The following OPA3 variants were observed in gnomAD, a reference collection of about 807,000 sequenced individuals.
The protein encoded by OPA3 is outer mitochondrial membrane lipid metabolism regulator OPA3, also known as optic atrophy 3 protein.
Under a neutral mutation model 4.0 loss-of-function variants are expected in OPA3, and 6 were observed. That is an observed-to-expected ratio of 1.51 (90% CI 0.83 to 2.99). The LOEUF (loss-of-function observed/expected upper bound fraction) is 2.99, where lower values mean the gene tolerates loss of function less well. Among genes scored for constraint, OPA3 ranks in the 30% most tolerant of loss-of-function variants. The probability of loss-of-function intolerance (pLI) is 0.00; values close to 1 mark genes in which losing one functional copy is unlikely to be tolerated. For missense variants in OPA3, 235 were observed against 256.2 expected (o/e 0.92, Z 0.56); for synonymous variants, 105 against 117.1 (o/e 0.90, Z 0.67).
chr19:45,578,994 G>C (rs1396662843), intron 1 of OPA3, among the ~76,000 whole-genome samples: 1 of 151,938 alleles, frequency 6.6e-6, no homozygotes, highest in Non-Finnish European at 1.5e-5. Context: ...CCTCTGTCCT[G>C]TGTGCCAGGC....
At chr19:45,572,734 A>G (rs1408897105) in intron 1 of OPA3, among the ~76,000 whole-genome samples, 1 of 140,788 alleles carries the variant, frequency 7.1e-6, no homozygotes, top group Non-Finnish European at 1.5e-5. Flanking sequence ...TATATATCAT[A>G]CTATATATAT....
At chr19:45,537,786 G>A (rs564786911) in intron 1 of OPA3, among the ~76,000 whole-genome samples, 1 of 152,166 alleles carries the variant, frequency 6.6e-6, no homozygotes, top group South Asian at 2.1e-4. Context: ...GGAGAATGAC[G>A]AGACTAAACT....
intron 1 of OPA3, among the ~76,000 whole-genome samples, chr19:45,572,414 A>G: frequency 7.9e-6 from 1 of 127,210 alleles, no homozygotes; most frequent in Non-Finnish European, 1.6e-5. Context: ...TTATCGATAT[A>G]TATCGATATA....
chr19:45,537,702 G>A (rs1298525657), intron 1 of OPA3, among the ~76,000 whole-genome samples: 3 of 151,520 alleles, frequency 2.0e-5, no homozygotes, highest in Non-Finnish European at 2.9e-5. Flanking sequence ...GTGCGATCTC[G>A]GCTCACTGCA....
At chr19:45,543,046 G>A (rs1969205178), downstream of OPA3, among the ~76,000 whole-genome samples, 1 of 151,866 alleles carries the variant, frequency 6.6e-6, no homozygotes, top group African/African-American at 2.4e-5. Context: ...GTCTCACTCT[G>A]TCGCCCAGGC....
chr19:45,550,487 C>G lies in OPA3; in HGVS notation c.*3027G>C, dbSNP rs950075590. The G allele has an allele frequency of 6.1e-6, 6 of 984,206 alleles. No homozygotes were observed. Among genetic ancestry groups the G allele is most frequent in the African/African-American group, 5.3e-5 (3 of 56,602 alleles). The allele number at this position is 984,206 out of a possible 1,614,324, so 61.0% of individuals were successfully genotyped here. A position where few individuals can be genotyped will look rare whatever the true frequency, so the allele number is the denominator to read the frequency against. On this transcript the variant is annotated 3_prime_UTR_variant, in exon 2 of 2. Transcript: ENST00000263275. ...CTCTGTGTAGAGATCGTCACCCTCC[C>G]AGCCTCTGCTCAGCCATCGCCTCTC...
At position 45,549,520 on chromosome 19, in the gene OPA3, A is replaced by G. The variant is rs890509236; in HGVS notation, c.*3994T>C. 4 of 980,380 alleles carry G rather than the reference A, an allele frequency of 4.1e-6. No individual in the cohort carries two copies. In the African/African-American group the frequency reaches 7.1e-5, roughly 17 times the overall value. 60.7% of individuals were successfully genotyped at this position (980,380 alleles called of 1,614,324 possible). On this transcript the variant is annotated 3_prime_UTR_variant, in exon 2 of 2. Transcript: ENST00000263275. ...TTTTTGAGTTGAGTCTCACTCTGTC[A>G]CCCAGGCTGGAGTGCAGTGGCGCGA...
At chr19:45,571,708 C>A (rs561625806) in intron 1 of OPA3, among the ~76,000 whole-genome samples, 1 of 152,122 alleles carries the variant, frequency 6.6e-6, no homozygotes, top group Non-Finnish European at 1.5e-5. Context: ...CCCTTCCCTA[C>A]GTCCACCAAA....
At chr19:45,570,537 A>G (rs1158407982) in intron 1 of OPA3, among the ~76,000 whole-genome samples, 1 of 152,100 alleles carries the variant, frequency 6.6e-6, no homozygotes, top group African/African-American at 2.4e-5. Flanking sequence ...ACAAAAAAAA[A>G]TTAGCTGGGC....
intron 1 of OPA3, among the ~76,000 whole-genome samples, chr19:45,554,260 G>A (rs957563512): frequency 6.6e-6 from 1 of 152,184 alleles, no homozygotes; most frequent in Non-Finnish European, 1.5e-5. Context: ...CCAGGAGAAA[G>A]ACCAACCTCC....
At chr19:45,562,359 AAAAAG>A (rs561987786) in intron 1 of OPA3, among the ~76,000 whole-genome samples, 2,460 of 134,706 alleles carry the variant, frequency 0.018, 228 homozygotes, top group African/African-American at 0.02. Flanking sequence ...AAAAAAAAAA[AAAAAG>A]AAAAGAAAAA....
At chr19:45,537,758 G>A (rs936807997) in intron 1 of OPA3, among the ~76,000 whole-genome samples, 2 of 151,908 alleles carry the variant, frequency 1.3e-5, no homozygotes, top group East Asian at 1.9e-4. Context: ...TCAGCCTCCC[G>A]AGTGCCAGAG....
In OPA3 at chr19:45,584,735, C is replaced by T. The variant is rs1131692018; in HGVS notation, c.30G>A (p.Lys10=). The T allele has an allele frequency of 6.2e-7, 1 of 1,614,132 alleles. No homozygotes were observed. Among genetic ancestry groups the T allele is most frequent in the Non-Finnish European group, 8.5e-7 (1 of 1,180,040 alleles). MVVGAFPMA[K]LLYLGIRQVS... ...CCTGCCGGATGCCCAAGTATAGCAG[C>T]TTCGCCATAGGGAACGCGCCCACCA... The change falls in exon 1 of 2, where the codon AAG becomes AAA. Residue 10 remains lysine (K), a synonymous_variant. Coordinates refer to ENST00000263275, the MANE Select transcript of OPA3 (RefSeq NM_025136.4).
chr19:45,580,293 CTTT>C (rs539421587), intron 1 of OPA3, among the ~76,000 whole-genome samples: 7 of 121,770 alleles, frequency 5.7e-5, no homozygotes, highest in Non-Finnish European at 5.2e-5. Flanking sequence ...TGCACCCGGC[CTTT>C]TTTTTTTTTT....
At chr19:45,582,753 T>C (rs192678078) in intron 1 of OPA3, among the ~76,000 whole-genome samples, 2 of 152,218 alleles carry the variant, frequency 1.3e-5, no homozygotes, top group East Asian at 1.9e-4. Flanking sequence ...GTCTGTGAAA[T>C]ATCTCAAGCA....
Position 45,548,643 on chromosome 19 carries a change from T to C in OPA3, c.*4871A>G, listed in dbSNP as rs1599958385. ...CAGAGAGTGGGTAACTCAGTGAGTT[T>C]TGTGTTTTATTTTTTTTATTTTTTT... On this transcript the variant is annotated 3_prime_UTR_variant, in exon 2 of 2. Transcript: ENST00000263275. 28 of 967,910 alleles carry C rather than the reference T, an allele frequency of 2.9e-5. No homozygotes were observed. The highest frequency in any genetic ancestry group is 3.4e-5 in the Non-Finnish European group (28 of 826,198). The allele number at this position is 967,910 out of a possible 1,614,324, so 60.0% of individuals were successfully genotyped here. A position where few individuals can be genotyped will look rare whatever the true frequency, so the allele number is the denominator to read the frequency against.
Position 45,546,918 on chromosome 19 carries a change from C to G in OPA3, c.*6596G>C, listed in dbSNP as rs1403544390. 6.6e-6 allele frequency: 1 copy of G among 152,188 alleles called. No homozygotes were observed. The highest frequency in any genetic ancestry group is 1.5e-5 in the Non-Finnish European group (1 of 68,066). The allele number at this position is 152,188 out of a possible 1,614,324, so 9.4% of individuals were successfully genotyped here. A position where few individuals can be genotyped will look rare whatever the true frequency, so the allele number is the denominator to read the frequency against. ...TCCTGACTTCAAGTGATCCTCCCAC[C>G]TTGGTCTTCCAAAGTACTGAGATTA... On this transcript the variant is annotated 3_prime_UTR_variant, in exon 2 of 2. Transcript: ENST00000263275.
Position 45,553,619 on chromosome 19 carries a change from T to TGGC in OPA3, c.432_434dup (p.Pro145dup). 1.2e-6 allele frequency: 2 copies of TGGC among 1,607,928 alleles called. No individual in the cohort carries two copies. The highest frequency in any genetic ancestry group is 1.7e-6 in the Non-Finnish European group (2 of 1,178,754). On this transcript the variant is annotated inframe_insertion, in exon 2 of 2. Transcript: ENST00000263275. ...TGCGCAGTTCCTCCAGGGCGCCCTG[T>TGGC]GGCGGCGCCGCCTGCACCTGCGCCT...
intron 1 of OPA3, among the ~76,000 whole-genome samples, chr19:45,564,493 T>G (rs1046881612): frequency 1.3e-5 from 2 of 152,162 alleles, no homozygotes; most frequent in Non-Finnish European, 2.9e-5. Flanking sequence ...ACAAGCCTGT[T>G]CCTCTGGCAT....
Sources: allele counts gnomAD v4.1 joint callset (sites outside exome capture counted in the v4.1 genomes callset), GRCh38; gene constraint gnomAD v4.1.1; transcripts MANE v1.5; gene names NCBI Gene and HGNC (gene_info 2026-07-23, HGNC 2026-07-21).